The following HECW2 variants were observed in gnomAD, a reference collection of about 807,000 sequenced individuals.
HECW2 encodes HECT, C2 and WW domain containing E3 ubiquitin protein ligase 2.
A neutral mutation model predicts 175.2 loss-of-function variants in HECW2; 61 were observed. The ratio of observed to expected loss-of-function variants is 0.35; its 90% CI spans 0.28 to 0.43. The LOEUF is 0.43. Ranked by LOEUF, HECW2 falls within the 20% of genes least tolerant of loss-of-function variation. The pLI is 1.00. For synonymous variants in HECW2, 671 were observed against 731.0 expected (o/e 0.92, Z 1.32); for missense variants, 1,524 against 2,000.5 (o/e 0.76, Z 4.54).
At chr2:196,414,813 G>A (rs1695210392) in intron 2 of HECW2, among the ~76,000 whole-genome samples, 1 of 152,072 alleles carries the variant, frequency 6.6e-6, no homozygotes, top group Non-Finnish European at 1.5e-5. Flanking sequence ...AACTCAAACC[G>A]TGCAGGTTAT....
At chr2:196,469,835 G>A (rs1035125649) in intron 1 of HECW2, among the ~76,000 whole-genome samples, 4 of 151,796 alleles carry the variant, frequency 2.6e-5, no homozygotes, top group African/African-American at 4.8e-5. Context: ...CCTCTGGGGC[G>A]GGGGACTAAT....
At chr2:196,507,875 T>C (rs191957463) in intron 1 of HECW2, among the ~76,000 whole-genome samples, 24 of 152,316 alleles carry the variant, frequency 1.6e-4, no homozygotes, top group African/African-American at 5.3e-4. Flanking sequence ...CACCTATCAA[T>C]GGTCAGATGG....
At chr2:196,335,989 G>A (rs1692536025) in intron 3 of HECW2, among the ~76,000 whole-genome samples, 1 of 152,172 alleles carries the variant, frequency 6.6e-6, no homozygotes, top group Non-Finnish European at 1.5e-5. Flanking sequence ...GAACAGCATA[G>A]AGAGCGTAGA....
intron 1 of HECW2, among the ~76,000 whole-genome samples, chr2:196,571,533 A>T (rs1319242370): frequency 6.6e-6 from 1 of 152,050 alleles, no homozygotes; most frequent in African/African-American, 2.4e-5. Flanking sequence ...ACATGGTGAA[A>T]CCCCAAGTCT....
chr2:196,567,198 C>G (rs1690219559), intron 1 of HECW2, among the ~76,000 whole-genome samples: 1 of 152,130 alleles, frequency 6.6e-6, no homozygotes, highest in African/African-American at 2.4e-5. Context: ...GATGGCAGAG[C>G]AACAAAATAC....
chr2:196,373,760 G>A (rs1693969819), intron 2 of HECW2, among the ~76,000 whole-genome samples: 1 of 152,110 alleles, frequency 6.6e-6, no homozygotes, highest in South Asian at 2.1e-4. Context: ...AGCAAAATAA[G>A]GTGCATGCTC....
chr2:196,319,904 T>A lies in HECW2; in HGVS notation c.986A>T (p.Asp329Val). The A allele has an allele frequency of 6.3e-7, 1 of 1,580,312 alleles. No individual in the cohort carries two copies. The highest frequency in any genetic ancestry group is 8.6e-7 in the Non-Finnish European group (1 of 1,160,990). The change falls in exon 9 of 29, where the codon GAT (aspartate) becomes GTT (valine). Residue 329 changes from aspartate to valine, a missense_variant and splice_region_variant. Physicochemically the swap from Asp to Val is radical, Grantham distance 152. This residue lies in a region of HECW2 where 604 missense variants were observed against 588.3 expected (regional missense o/e 1.03). Coordinates refer to ENST00000644978, the MANE Select transcript of HECW2 (RefSeq NM_001348768.2). ...TGTGCCAACAGCTTCTGGAGAGGCATCTGAATGAGAAAACAGCATTTCTAA... is the reference window on the plus strand; with the variant it reads ...TGTGCCAACAGCTTCTGGAGAGGCAACTGAATGAGAAAACAGCATTTCTAA... ...KVEVTSSVHE[D>V]ASPEAVGTIL... is the part of the protein sequence containing the mutation.
intron 18 of HECW2, among the ~76,000 whole-genome samples, chr2:196,255,839 G>A (rs537650322): frequency 2.8e-4 from 42 of 152,300 alleles, no homozygotes; most frequent in African/African-American, 9.9e-4. Context: ...TTGGGAGGCC[G>A]AGGAGGGCGG....
At chr2:196,353,682 C>T (rs942326030) in intron 2 of HECW2, among the ~76,000 whole-genome samples, 3 of 152,210 alleles carry the variant, frequency 2.0e-5, no homozygotes, top group Admixed American at 6.5e-5. Flanking sequence ...GGATGAAAGC[C>T]GTGATTCAGA....
intron 2 of HECW2, among the ~76,000 whole-genome samples, chr2:196,360,698 G>GA (rs1212675614): frequency 3.3e-5 from 5 of 151,318 alleles, no homozygotes; most frequent in Non-Finnish European, 5.9e-5. Context: ...CCTAAAATAG[G>GA]AAAAAAAACA....
intron 17 of HECW2, among the ~76,000 whole-genome samples, chr2:196,261,077 T>G (rs959821327): frequency 6.6e-6 from 1 of 152,192 alleles, no homozygotes; most frequent in Non-Finnish European, 1.5e-5. Context: ...CTGGCTGCCC[T>G]TAGGCTGTCA....
At chr2:196,496,869 T>C (rs1687411747) in intron 1 of HECW2, among the ~76,000 whole-genome samples, 2 of 151,132 alleles carry the variant, frequency 1.3e-5, no homozygotes, top group African/African-American at 2.5e-5. Flanking sequence ...GGCAGTTAAC[T>C]ATAACTATAC....
At chr2:196,526,535 T>G (rs897453176) in intron 1 of HECW2, among the ~76,000 whole-genome samples, 1 of 152,014 alleles carries the variant, frequency 6.6e-6, no homozygotes, top group African/African-American at 2.4e-5. Context: ...TTGTGTTCCT[T>G]TGGAGGAGGA....
chr2:196,343,801 T>C, intron 2 of HECW2, 37 bp from the exon 3 acceptor site: 3 of 1,283,830 alleles, frequency 2.3e-6, no homozygotes, highest in Non-Finnish European at 3.4e-6. Context: ...AGATTAATTA[T>C]AACCTTTCTC....
At chr2:196,397,183 C>T (rs181998984) in intron 2 of HECW2, among the ~76,000 whole-genome samples, 140 of 152,282 alleles carry the variant, frequency 9.2e-4, no homozygotes, top group Admixed American at 9.0e-3. Context: ...AATTCTTCTA[C>T]ATATGGAAGA....
chr2:196,517,987 C>T (rs1393597976), intron 1 of HECW2, among the ~76,000 whole-genome samples: 1 of 152,182 alleles, frequency 6.6e-6, no homozygotes, highest in Non-Finnish European at 1.5e-5. Flanking sequence ...AGACCATGCA[C>T]TTTACAATTC....
chr2:196,335,033 T>C (rs1692501336), intron 3 of HECW2, among the ~76,000 whole-genome samples: 2 of 152,166 alleles, frequency 1.3e-5, no homozygotes, highest in South Asian at 2.1e-4. Context: ...TCAATGGAAA[T>C]AGAGGAAAAG....
chr2:196,417,723 A>C (rs1484892571), intron 2 of HECW2, among the ~76,000 whole-genome samples: 1 of 152,220 alleles, frequency 6.6e-6, no homozygotes, highest in Middle Eastern at 3.2e-3. Context: ...AGCACAGTTC[A>C]CCTTGTTTAT....
intron 19 of HECW2, among the ~76,000 whole-genome samples, chr2:196,250,166 A>G (rs925686131): frequency 6.6e-6 from 1 of 152,244 alleles, no homozygotes; most frequent in Non-Finnish European, 1.5e-5. Flanking sequence ...CTTGACTGGC[A>G]CGAGCAACAA....
Sources: gnomAD v4.1 joint callset for allele counts (sites outside exome capture counted in the v4.1 genomes callset) on GRCh38, gnomAD v4.1.1 for gene constraint, gnomAD v4.1.1 regional missense constraint, MANE v1.5 for transcripts, NCBI Gene and HGNC (gene_info 2026-07-23, HGNC 2026-07-21) for gene names.